The following C5orf24 variants were observed in gnomAD, a reference collection of about 807,000 sequenced individuals.
The protein encoded by C5orf24 is UPF0461 protein C5orf24.
In C5orf24, 4 loss-of-function variants were observed where a neutral mutation model predicts 9.8. That is an observed-to-expected ratio of 0.41 (90% CI 0.20 to 0.93). The LOEUF is 0.93. Ranked by LOEUF, C5orf24 falls within the 40% of genes least tolerant of loss-of-function variation. The probability of loss-of-function intolerance (pLI) is 0.33; values close to 1 mark genes in which losing one functional copy is unlikely to be tolerated. For missense variants in C5orf24, 170 were observed against 236.9 expected (o/e 0.72, Z 1.85); for synonymous variants, 73 against 81.3 (o/e 0.90, Z 0.55).
intron 1 of C5orf24, among the ~76,000 whole-genome samples, chr5:134,852,220 G>T (rs1240600514): frequency 2.0e-5 from 3 of 152,202 alleles, no homozygotes; most frequent in Non-Finnish European, 4.4e-5. Context: ...GATCACAGGC[G>T]TGAGCCACCG....
chr5:134,855,091 T>G lies in C5orf24; in HGVS notation c.191T>G (p.Leu64Trp). 1 of 1,614,104 alleles carries G rather than the reference T, an allele frequency of 6.2e-7. No homozygotes were observed. Among genetic ancestry groups the G allele is most frequent in the Non-Finnish European group, 8.5e-7 (1 of 1,180,036 alleles). Residue 64 changes from leucine (L) to tryptophan (W), a missense_variant, in exon 2 of 2, where the codon TTG becomes TGG. Transcript: ENST00000394976. Reference sequence around the variant, plus strand: ...CAAGACCCATTAAATGAAACACACTTGCAGACTACAAGTGGCAGAAGCATA... The same window carrying G: ...CAAGACCCATTAAATGAAACACACTGGCAGACTACAAGTGGCAGAAGCATA... ...QRQDPLNETH[L>W]QTTSGRSIEI...
chr5:134,840,200 G>A, the C5orf24 span, among the ~76,000 whole-genome samples: 21 of 151,828 alleles, frequency 1.4e-4, no homozygotes, highest in African/African-American at 5.1e-4. Flanking sequence ...CCAGCTACTC[G>A]GGAGGCTGCG....
rs150797739 is a variant in C5orf24, at chr5:134,855,424, G to A, written c.524G>A (p.Gly175Glu). 10 of 1,614,200 alleles carry A rather than the reference G, an allele frequency of 6.2e-6. No individual in the cohort carries two copies. In the East Asian group the frequency reaches 2.0e-4, roughly 32 times the overall value. Reference protein sequence around the residue: ...YPMMHGRAVHGVEETSSEVKP... With the variant: ...YPMMHGRAVHEVEETSSEVKP... ...ATGATGCATGGCAGAGCAGTTCATG[G>A]GGTAGAGGAAACTAGCAGTGAAGTC... Residue 175 changes from glycine (G) to glutamate (E), a missense_variant, in exon 2 of 2, where the codon GGG becomes GAG. By Grantham distance (98) the Gly-to-Glu change is moderately conservative (BLOSUM62 -2). Transcript: ENST00000394976.
chr5:134,847,786 C>T (rs1190474453), intron 1 of C5orf24, among the ~76,000 whole-genome samples: 2 of 151,176 alleles, frequency 1.3e-5, no homozygotes, highest in South Asian at 2.1e-4. Context: ...CTGCAACCTC[C>T]GCCTTTGGGT....
the C5orf24 span, among the ~76,000 whole-genome samples, chr5:134,836,253 C>T: frequency 6.8e-6 from 1 of 147,246 alleles, no homozygotes; most frequent in Non-Finnish European, 1.5e-5. Context: ...CAGCTCACTG[C>T]AAGCTCCGCC....
In C5orf24 at chr5:134,855,113, C is replaced by T. The variant is rs1417695678; in HGVS notation, c.213C>T (p.Ser71=). Residue 71 remains serine (S), a synonymous_variant, in exon 2 of 2, where the codon AGC becomes AGT. Transcript: ENST00000394976. ...ACTTGCAGACTACAAGTGGCAGAAGCATAGAAATAAAAGATGAACTAAAGA... is the reference window on the plus strand; with the variant it reads ...ACTTGCAGACTACAAGTGGCAGAAGTATAGAAATAAAAGATGAACTAAAGA... ...ETHLQTTSGR[S]IEIKDELKKK... is the part of the protein sequence containing the mutation. 4.3e-6 allele frequency: 7 copies of T among 1,614,082 alleles called. No individual in the cohort carries two copies. In the East Asian group the frequency reaches 1.3e-4, roughly 31 times the overall value.
intron 1 of C5orf24, among the ~76,000 whole-genome samples, chr5:134,849,243 A>C (rs1756086454): frequency 6.6e-6 from 1 of 152,076 alleles, no homozygotes; most frequent in Non-Finnish European, 1.5e-5. Context: ...CAACAGAGCT[A>C]GACTTCGTCT....
At chr5:134,848,798 C>T (rs6862191) in intron 1 of C5orf24, among the ~76,000 whole-genome samples, 10,793 of 142,936 alleles carry the variant, frequency 0.076, 864 homozygotes, top group African/African-American at 0.22. Flanking sequence ...TCGTCTCTAC[C>T]GAAAATAAAA....
chr5:134,859,041 T>G lies in C5orf24; in HGVS notation c.*3574T>G, dbSNP rs1756383022. ...AGAAAAAAATATATATGTGGGTCCA[T>G]TTATTAGGTTAAAGTTGACCCATTC... is the stretch of plus-strand genomic sequence containing the variant. On this transcript the variant is annotated 3_prime_UTR_variant, in exon 2 of 2. Transcript: ENST00000394976. The G allele has an allele frequency of 6.0e-6, 1 of 166,920 alleles. No individual in the cohort carries two copies. The highest frequency in any genetic ancestry group is 1.5e-5 in the Non-Finnish European group (1 of 68,042). 10.3% of individuals were successfully genotyped at this position (166,920 alleles called of 1,614,324 possible).
At position 134,856,681 on chromosome 5, in the gene C5orf24, A is replaced by G; in HGVS notation, c.*1214A>G. 1 of 761,092 alleles carries G rather than the reference A, an allele frequency of 1.3e-6. No individual in the cohort carries two copies. The highest frequency in any genetic ancestry group is 1.6e-6 in the Non-Finnish European group (1 of 615,464). 47.1% of individuals were successfully genotyped at this position (761,092 alleles called of 1,614,324 possible). A position where few individuals can be genotyped will look rare whatever the true frequency, so the allele number is the denominator to read the frequency against. Reference sequence around the variant, plus strand: ...TAAATAAATAAATAAATAAATAAATAAAACCATTTATTGATGTTGCTCATT... The same window carrying G: ...TAAATAAATAAATAAATAAATAAATGAAACCATTTATTGATGTTGCTCATT... On this transcript the variant is annotated 3_prime_UTR_variant, in exon 2 of 2. Transcript: ENST00000394976.
At chr5:134,847,842 G>A (rs1170472839) in intron 1 of C5orf24, among the ~76,000 whole-genome samples, 1 of 152,016 alleles carries the variant, frequency 6.6e-6, no homozygotes, top group Non-Finnish European at 1.5e-5. Flanking sequence ...TGGAGTTACA[G>A]GCACCCGCCA....
upstream of C5orf24, among the ~76,000 whole-genome samples, chr5:134,845,117 A>G (rs1755959391): frequency 6.6e-6 from 1 of 152,166 alleles, no homozygotes; most frequent in Non-Finnish European, 1.5e-5. Context: ...GTTTGAATGA[A>G]TGGGCTTGCT....
chr5:134,839,394 G>C, the C5orf24 span, among the ~76,000 whole-genome samples: 19 of 152,074 alleles, frequency 1.2e-4, no homozygotes, highest in Admixed American at 1.0e-3. Context: ...ATAAATACTT[G>C]TTGAATTGTT....
chr5:134,857,447 T>A lies in C5orf24; in HGVS notation c.*1980T>A, dbSNP rs1377202940. On this transcript the variant is annotated 3_prime_UTR_variant, in exon 2 of 2. Transcript: ENST00000394976. ...GCTCTTTACAGTAAGAGGTGTTGCA[T>A]TGTATGTGGGGACTATGTGCACTGG... 2 of 1,533,576 alleles carry A rather than the reference T, an allele frequency of 1.3e-6. No homozygotes were observed. Among genetic ancestry groups the A allele is most frequent in the Non-Finnish European group, 1.8e-6 (2 of 1,136,634 alleles). The allele number at this position is 1,533,576 out of a possible 1,614,324, so 95.0% of individuals were successfully genotyped here.
chr5:134,848,982 G>A (rs1236536600), intron 1 of C5orf24, among the ~76,000 whole-genome samples: 1 of 149,622 alleles, frequency 6.7e-6, no homozygotes, highest in East Asian at 2.0e-4. Flanking sequence ...AAGAGGCTGG[G>A]CGCGGTGGCT....
At chr5:134,837,459 G>A in the C5orf24 span, among the ~76,000 whole-genome samples, 7 of 152,206 alleles carry the variant, frequency 4.6e-5, no homozygotes, top group East Asian at 1.3e-3. Context: ...GTGAATAGGG[G>A]TAGATTTTCT....
At chr5:134,837,942 ATGAAAGTATC>A in the C5orf24 span, among the ~76,000 whole-genome samples, 1 of 152,192 alleles carries the variant, frequency 6.6e-6, no homozygotes, top group African/African-American at 2.4e-5. Context: ...TCCTATGTAT[ATGAAAGTATC>A]TAAGAACACT....
chr5:134,847,266 C>T (rs1265815530), intron 1 of C5orf24, among the ~76,000 whole-genome samples: 1 of 152,090 alleles, frequency 6.6e-6, no homozygotes. Context: ...GACTCCTGTA[C>T]ATTCAGGGAA....
At chr5:134,853,917 C>T (rs2150175783) in intron 1 of C5orf24, among the ~76,000 whole-genome samples, 1 of 152,130 alleles carries the variant, frequency 6.6e-6, no homozygotes, top group South Asian at 2.1e-4. Context: ...CCTGTCTCTA[C>T]AAAAGTACAA....
Sources: gnomAD v4.1 joint callset for allele counts (sites outside exome capture counted in the v4.1 genomes callset) on GRCh38, gnomAD v4.1.1 for gene constraint, MANE v1.5 for transcripts, NCBI Gene and HGNC (gene_info 2026-07-23, HGNC 2026-07-21) for gene names.